FAM24B: variants seen among roughly 807,000 people sequenced by gnomAD.
The protein encoded by FAM24B is family with sequence similarity 24 member B.
Under a neutral mutation model 2.3 loss-of-function variants are expected in FAM24B, and 3 were observed. That is an observed-to-expected ratio of 1.29 (90% CI 0.59 to 3.32). FAM24B has a LOEUF of 3.32. Among genes scored for constraint, FAM24B ranks in the 30% most tolerant of loss-of-function variants. FAM24B has a pLI of 0.03. For synonymous variants in FAM24B, 36 were observed against 46.3 expected, an observed-to-expected ratio of 0.78 and a Z score of 0.90; for missense variants, 98 against 117.2, an observed-to-expected ratio of 0.84 and a Z score of 0.76.
chr10:122,877,153 G>A (rs1485530635), intron 1 of FAM24B, among the ~76,000 whole-genome samples: 3 of 152,186 alleles, frequency 2.0e-5, no homozygotes, highest in African/African-American at 7.2e-5. Flanking sequence ...CACGACAAGA[G>A]TAATTTACAT....
intron 1 of FAM24B, among the ~76,000 whole-genome samples, chr10:122,869,416 A>G (rs375566234): frequency 3.3e-5 from 5 of 152,138 alleles, no homozygotes; most frequent in African/African-American, 4.8e-5. Flanking sequence ...ATTGAACTCA[A>G]CTCTGCACCA....
chr10:122,855,557 A>C (rs562477988), intron 2 of FAM24B, 88 bp downstream of exon 2: 1 of 152,328 alleles, frequency 6.6e-6, no homozygotes, highest in African/African-American at 2.4e-5. Flanking sequence ...GACAAGACTG[A>C]GTCTGTCAAA....
intron 1 of FAM24B, among the ~76,000 whole-genome samples, chr10:122,869,360 C>T (rs1453070090): frequency 1.1e-4 from 17 of 152,190 alleles, no homozygotes; most frequent in Non-Finnish European, 1.9e-4. Flanking sequence ...CCACTGTCAA[C>T]ATTAGGCAGA....
intron 1 of FAM24B, among the ~76,000 whole-genome samples, chr10:122,859,922 A>G (rs1200484987): frequency 2.0e-5 from 3 of 152,164 alleles, no homozygotes; most frequent in African/African-American, 7.2e-5. Flanking sequence ...AAGTTGTTCA[A>G]GACAACTGTC....
intron 1 of FAM24B, among the ~76,000 whole-genome samples, chr10:122,863,533 A>G (rs138574260): frequency 9.2e-5 from 14 of 152,316 alleles, no homozygotes; most frequent in African/African-American, 3.1e-4. Flanking sequence ...TTTTTAGAAC[A>G]GTTTTCTATT....
intron 1 of FAM24B, among the ~76,000 whole-genome samples, chr10:122,861,582 G>A (rs968933874): frequency 6.6e-6 from 1 of 152,022 alleles, no homozygotes; most frequent in Middle Eastern, 3.2e-3. Context: ...ATGGACTATC[G>A]CCATTTATTT....
At chr10:122,875,019 T>A (rs1486378398) in intron 1 of FAM24B, among the ~76,000 whole-genome samples, 1 of 152,206 alleles carries the variant, frequency 6.6e-6, no homozygotes, top group Non-Finnish European at 1.5e-5. Context: ...TCCCAACCAT[T>A]ATTTCTCACA....
At position 122,860,009 on chromosome 10, in the gene FAM24B, C is replaced by A. The variant is rs1847702876; in HGVS notation, c.-177-4223G>T. 2.0e-5 allele frequency among the ~76,000 whole-genome samples: 3 copies of A among 152,124 alleles called. No individual in the cohort carries two copies. In the South Asian group the frequency reaches 6.2e-4, roughly 32 times the overall value. Reference sequence around the variant, plus strand: ...CGGCAGCTTGTATTTTGTCCTGGCACAGCCCCTTCCACCAACATTTTGGTC... The same window carrying A: ...CGGCAGCTTGTATTTTGTCCTGGCAAAGCCCCTTCCACCAACATTTTGGTC... On this transcript the variant is annotated intron_variant, in intron 1 of 3. Coordinates refer to ENST00000368898, the MANE Select transcript of FAM24B (RefSeq NM_152644.3).
chr10:122,855,031 G>A lies in FAM24B; in HGVS notation c.-36+614C>T, dbSNP rs116922053. On this transcript the variant is annotated intron_variant, in intron 2 of 3. Coordinates refer to ENST00000368898, the MANE Select transcript of FAM24B (RefSeq NM_152644.3). ...CCACAGCTCCTTCTGCTCCGCTCCCGGGAAACTTATCTTTACCTTCAGACT... is the reference window on the plus strand; with the variant it reads ...CCACAGCTCCTTCTGCTCCGCTCCCAGGAAACTTATCTTTACCTTCAGACT... Among the ~76,000 whole-genome samples, 876 of 152,136 alleles carry A rather than the reference G, an allele frequency of 5.8e-3. 4 individuals are homozygous for A. Among genetic ancestry groups the A allele is most frequent in the Non-Finnish European group, 9.8e-3 (664 of 67,968 alleles).
intron 1 of FAM24B, among the ~76,000 whole-genome samples, chr10:122,875,696 T>C (rs1402249213): frequency 6.6e-6 from 1 of 152,012 alleles, no homozygotes; most frequent in Non-Finnish European, 1.5e-5. Context: ...AAATAAAATG[T>C]AGTCTGATAA....
intron 1 of FAM24B, among the ~76,000 whole-genome samples, chr10:122,857,971 A>T (rs1566252468): frequency 6.6e-6 from 1 of 152,214 alleles, no homozygotes; most frequent in Non-Finnish European, 1.5e-5. Context: ...GACGATTCAC[A>T]TGTGGTGACT....
At chr10:122,869,453 C>T (rs531154961) in intron 1 of FAM24B, among the ~76,000 whole-genome samples, 2 of 152,318 alleles carry the variant, frequency 1.3e-5, no homozygotes, top group South Asian at 4.2e-4. Context: ...ATCTACAGAA[C>T]TCTCCACCCC....
At chr10:122,869,898 T>C (rs1217568924) in intron 1 of FAM24B, among the ~76,000 whole-genome samples, 1 of 151,960 alleles carries the variant, frequency 6.6e-6, no homozygotes, top group Non-Finnish European at 1.5e-5. Flanking sequence ...AGCAAACACA[T>C]TCAAAAGCTA....
At chr10:122,850,767 A>C (rs1847520711) in intron 2 of FAM24B, 6 of 441,252 alleles carry the variant, frequency 1.4e-5, no homozygotes, top group Non-Finnish European at 2.5e-5. Flanking sequence ...ATGAAAAGGA[A>C]TGGAAATGCA....
At chr10:122,869,494 C>T (rs1847856337) in intron 1 of FAM24B, among the ~76,000 whole-genome samples, 1 of 152,192 alleles carries the variant, frequency 6.6e-6, no homozygotes. Flanking sequence ...CTTTTAAGCA[C>T]CACACCACAC....
chr10:122,864,186 C>A (rs1847766790), intron 1 of FAM24B, among the ~76,000 whole-genome samples: 2 of 152,098 alleles, frequency 1.3e-5, no homozygotes, highest in Admixed American at 1.3e-4. Context: ...TTTATTCTGA[C>A]CATTTAATAC....
At chr10:122,857,964 G>A (rs1044248216) in intron 1 of FAM24B, among the ~76,000 whole-genome samples, 1 of 152,200 alleles carries the variant, frequency 6.6e-6, no homozygotes, top group Non-Finnish European at 1.5e-5. Flanking sequence ...ATGCTCTGAC[G>A]ATTCACATGT....
intron 1 of FAM24B, among the ~76,000 whole-genome samples, chr10:122,871,831 A>C (rs1847902944): frequency 1.3e-5 from 2 of 152,178 alleles, no homozygotes; most frequent in Admixed American, 1.3e-4. Flanking sequence ...AACCATAAAA[A>C]CCCTAGAAGA....
At chr10:122,854,355 G>A (rs1057227080) in intron 2 of FAM24B, among the ~76,000 whole-genome samples, 2 of 152,072 alleles carry the variant, frequency 1.3e-5, no homozygotes, top group Non-Finnish European at 1.5e-5. Flanking sequence ...GACTCCCTTG[G>A]GTCACACAGC....
Sources: allele counts gnomAD v4.1 joint callset (sites outside exome capture counted in the v4.1 genomes callset), GRCh38; gene constraint gnomAD v4.1.1; transcripts MANE v1.5; gene names NCBI Gene and HGNC (gene_info 2026-07-23, HGNC 2026-07-21).